SYNE2: variants seen among roughly 807,000 people sequenced by gnomAD.
SYNE2 encodes nesprin-2.
A neutral mutation model predicts 856.3 loss-of-function variants in SYNE2; 431 were observed. That is an observed-to-expected ratio of 0.50 (90% CI 0.47 to 0.55). The LOEUF is 0.55. Ranked by LOEUF, SYNE2 falls within the 20% of genes least tolerant of loss-of-function variation. SYNE2 has a pLI of 0.00. For missense variants in SYNE2, 8,129 were observed against 8,023.2 expected (o/e 1.01, Z -0.50); for synonymous variants, 2,923 against 2,872.3 (o/e 1.02, Z -0.56).
intron 34 of SYNE2, among the ~76,000 whole-genome samples, chr14:64,018,303 G>A (rs187920343): frequency 2.6e-5 from 4 of 152,066 alleles, no homozygotes; most frequent in African/African-American, 7.2e-5. Flanking sequence ...GCAGTGGCAC[G>A]ATCTCGGCTC....
At chr14:63,912,043 C>A (rs1206198613) in intron 2 of SYNE2, among the ~76,000 whole-genome samples, 1 of 152,080 alleles carries the variant, frequency 6.6e-6, no homozygotes, top group East Asian at 1.9e-4. Flanking sequence ...CTTAGGGGGA[C>A]TGGTAGAAAG....
intron 93 of SYNE2, 61 bp downstream of exon 93, chr14:64,169,032 G>T (rs1257612526): frequency 1.5e-6 from 2 of 1,339,364 alleles, no homozygotes; most frequent in African/African-American, 1.4e-5. Flanking sequence ...TTCAGTCAGG[G>T]CAGGCTTTCC....
chr14:64,055,915 G>T, intron 48 of SYNE2, 29 bp from the exon 49 acceptor site: 1 of 1,591,280 alleles, frequency 6.3e-7, no homozygotes, highest in Non-Finnish European at 8.6e-7. Flanking sequence ...TGACAATTTT[G>T]TCACAGCATT....
At chr14:64,184,937 G>A (rs769397946) in intron 96 of SYNE2, among the ~76,000 whole-genome samples, 7 of 152,172 alleles carry the variant, frequency 4.6e-5, no homozygotes, top group Non-Finnish European at 7.3e-5. Context: ...TATTGTTAGG[G>A]CCTTTCACAC....
chr14:64,161,506 G>A (rs570640273), intron 87 of SYNE2, among the ~76,000 whole-genome samples: 4 of 152,166 alleles, frequency 2.6e-5, no homozygotes, highest in South Asian at 2.1e-4. Context: ...TTTAAAGATA[G>A]CATATCTCTA....
In SYNE2 at chr14:64,210,032, A is replaced by G. The variant is rs759557576; in HGVS notation, c.18631A>G (p.Thr6211Ala). 11 of 1,614,026 alleles carry G rather than the reference A, an allele frequency of 6.8e-6. No individual in the cohort carries two copies. The highest frequency in any genetic ancestry group is 2.7e-5 in the African/African-American group (2 of 74,934). The change falls in exon 103 of 116, where the codon ACG becomes GCG. Residue 6211 changes from threonine (T) to alanine (A), a missense_variant. Coordinates refer to ENST00000555002, the MANE Select transcript of SYNE2 (RefSeq NM_182914.3). ...RRLARENRTDTASRLKQMVHE... is the reference protein window; with the variant it reads ...RRLARENRTDAASRLKQMVHE... ...GCTGGCCCGGGAGAACCGCACAGAC[A>G]CGGCCAGCAGGCTGAAGCAGATGGT... is the stretch of plus-strand genomic sequence containing the variant.
intron 1 of SYNE2, among the ~76,000 whole-genome samples, chr14:63,908,034 C>G (rs2095429260): frequency 6.6e-6 from 1 of 152,110 alleles, no homozygotes; most frequent in African/African-American, 2.4e-5. Context: ...GATTTTTGAA[C>G]TAGCAGGGAC....
intron 107 of SYNE2, chr14:64,215,672 C>T: frequency 2.1e-6 from 1 of 475,676 alleles, no homozygotes; most frequent in South Asian, 2.7e-5. Flanking sequence ...GCCAAGCTTT[C>T]TTCATGGTGG....
At chr14:64,010,253 C>G (rs1340852626) in intron 32 of SYNE2, 137 bp downstream of exon 32, 3 of 981,534 alleles carry the variant, frequency 3.1e-6, no homozygotes, top group Non-Finnish European at 4.6e-6. Context: ...TACCAGGTAT[C>G]TAAAAATTTG....
chr14:64,080,064 T>TGC lies in SYNE2; in HGVS notation c.11164-388_11164-387dup, dbSNP rs930435938. Among the ~76,000 whole-genome samples, 232 of 151,602 alleles carry TGC rather than the reference T, an allele frequency of 1.5e-3. 2 individuals carry two copies. Among genetic ancestry groups the TGC allele is most frequent in the East Asian group, 3.5e-3 (18 of 5,148 alleles). On this transcript the variant is annotated intron_variant, in intron 55 of 115. Transcript: ENST00000555002. The stretch of plus-strand genomic sequence containing the variant: ...GAGAGCGTGTGTGTGTGTGTGTGTG[T>TGC]GCGCGTGCGTGTGTGTGTATGAACT...
chr14:63,869,364 G>A (rs1487801950), intron 1 of SYNE2, among the ~76,000 whole-genome samples: 1 of 152,168 alleles, frequency 6.6e-6, no homozygotes, highest in Non-Finnish European at 1.5e-5. Context: ...GGTGGCTCAT[G>A]TCTGTAATCC....
At chr14:64,181,936 G>T (rs1334534205) in intron 96 of SYNE2, among the ~76,000 whole-genome samples, 3 of 152,146 alleles carry the variant, frequency 2.0e-5, no homozygotes, top group Non-Finnish European at 4.4e-5. Flanking sequence ...AATAATTTTT[G>T]TATAAGTAAA....
At chr14:63,957,022 A>T (rs1484167543) in intron 8 of SYNE2, among the ~76,000 whole-genome samples, 2 of 152,148 alleles carry the variant, frequency 1.3e-5, no homozygotes, top group Non-Finnish European at 2.9e-5. Context: ...ACATAAATGG[A>T]ATTATACAAT....
At chr14:63,913,863 T>A (rs1434378484) in intron 2 of SYNE2, among the ~76,000 whole-genome samples, 3 of 151,042 alleles carry the variant, frequency 2.0e-5, no homozygotes, top group Non-Finnish European at 4.4e-5. Context: ...TAATTTTAAA[T>A]TTTTAAAATT....
At chr14:63,907,854 A>C (rs191056903) in intron 1 of SYNE2, among the ~76,000 whole-genome samples, 146 of 152,284 alleles carry the variant, frequency 9.6e-4, no homozygotes, top group African/African-American at 3.4e-3. Flanking sequence ...TCCATATAGC[A>C]ACTCTTTTAC....
intron 88 of SYNE2, 41 bp downstream of exon 88, chr14:64,162,317 C>T (rs1292325391): frequency 1.3e-6 from 2 of 1,595,404 alleles, no homozygotes; most frequent in South Asian, 1.1e-5. Flanking sequence ...GCCAAGTCAG[C>T]CCAACAGATG....
chr14:64,220,351 G>A (rs1024559292), intron 110 of SYNE2, 86 bp from the exon 111 acceptor site: 9 of 1,461,554 alleles, frequency 6.2e-6, no homozygotes, highest in Non-Finnish European at 8.6e-6. Flanking sequence ...AAAGTGTGTG[G>A]AAAATTTGTT....
At chr14:64,055,923 A>C in intron 48 of SYNE2, 21 bp from the exon 49 acceptor site, 1 of 1,604,288 alleles carries the variant, frequency 6.2e-7, no homozygotes, top group African/African-American at 1.3e-5. Context: ...TTGTCACAGC[A>C]TTTAATCTCC....
intron 65 of SYNE2, among the ~76,000 whole-genome samples, chr14:64,110,680 T>G (rs185633654): frequency 6.8e-6 from 1 of 147,412 alleles, no homozygotes; most frequent in East Asian, 2.0e-4. Flanking sequence ...AGAGAAGGTA[T>G]TTTACAGGGA....
Sources: allele counts gnomAD v4.1 joint callset (sites outside exome capture counted in the v4.1 genomes callset), GRCh38; gene constraint gnomAD v4.1.1; transcripts MANE v1.5; gene names NCBI Gene and HGNC (gene_info 2026-07-23, HGNC 2026-07-21).